PCMTD1: variants seen among roughly 807,000 people sequenced by gnomAD.
PCMTD1 encodes the protein protein-L-isoaspartate (D-aspartate) O-methyltransferase domain containing 1.
In PCMTD1, 12 loss-of-function variants were observed where a neutral mutation model predicts 37.6. The observed-to-expected ratio is 0.32, with a 90% CI of 0.20 to 0.52. The LOEUF is 0.52. PCMTD1 is among the 20% of genes least tolerant of loss of function. PCMTD1 has a pLI of 0.97. For synonymous variants in PCMTD1, 117 were observed against 135.8 expected (o/e 0.86, Z 0.96); for missense variants, 235 against 421.3 (o/e 0.56, Z 3.87).
At chr8:51,883,644 A>C (rs2038823806) in intron 1 of PCMTD1, among the ~76,000 whole-genome samples, 1 of 152,234 alleles carries the variant, frequency 6.6e-6, no homozygotes, top group African/African-American at 2.4e-5. Flanking sequence ...AACTGAAAAC[A>C]ACCAAGGTAT....
intron 1 of PCMTD1, among the ~76,000 whole-genome samples, chr8:51,891,221 C>A (rs922306807): frequency 6.6e-6 from 1 of 152,004 alleles, no homozygotes; most frequent in African/African-American, 2.4e-5. Flanking sequence ...AAATCTAAAC[C>A]ATATGAACCT....
At chr8:51,833,778 G>A (rs1001482512) in intron 3 of PCMTD1, 89 bp from the exon 4 acceptor site, 47 of 909,428 alleles carry the variant, frequency 5.2e-5, no homozygotes, top group Non-Finnish European at 6.5e-5. Context: ...AAATAATGAC[G>A]TTACCCAAAT....
chr8:51,880,944 T>C (rs1200075972), intron 1 of PCMTD1, among the ~76,000 whole-genome samples: 2 of 152,212 alleles, frequency 1.3e-5, no homozygotes, highest in Non-Finnish European at 2.9e-5. Flanking sequence ...TTTCATGTCA[T>C]AAAATAGTCT....
intron 5 of PCMTD1, among the ~76,000 whole-genome samples, chr8:51,822,677 C>G (rs1229061539): frequency 2.0e-5 from 3 of 152,092 alleles, no homozygotes; most frequent in African/African-American, 7.2e-5. Flanking sequence ...CCACCATAAG[C>G]CACCATAAGA....
intron 5 of PCMTD1, chr8:51,826,798 C>G (rs1006347796): frequency 1.8e-6 from 1 of 549,200 alleles, no homozygotes; most frequent in African/African-American, 2.0e-5. Flanking sequence ...CTCTTATGCC[C>G]CTGAACTTTA....
At chr8:51,895,948 T>C (rs1247468215) in intron 1 of PCMTD1, 3 of 145,248 alleles carry the variant, frequency 2.1e-5, no homozygotes, top group East Asian at 2.0e-4. Flanking sequence ...CTTTTTTTTT[T>C]TTTTTTTTTT....
chr8:51,839,520 A>G, intron 3 of PCMTD1: 1 of 985,450 alleles, frequency 1.0e-6, no homozygotes, highest in Non-Finnish European at 1.2e-6. Flanking sequence ...TTTCGTTCAC[A>G]GCAGGGACCT....
rs1220492332 is a variant in PCMTD1 at position 51,820,045 on chromosome 8, C to A, written c.*306G>T. The A allele has an allele frequency of 5.3e-6, 1 of 187,578 alleles. No individual in the cohort carries two copies. The highest frequency in any genetic ancestry group is 1.1e-5 in the Non-Finnish European group (1 of 92,204). The allele number at this position is 187,578 out of a possible 1,614,324, so 11.6% of individuals were successfully genotyped here. On this transcript the variant is annotated 3_prime_UTR_variant, in exon 6 of 6. Coordinates refer to ENST00000522514, the MANE Select transcript of PCMTD1 (RefSeq NM_052937.4). ...ATAAAATTAAATCTAAACCTCATCA[C>A]TACAAATCTGTAAGGAATCAGAAAA...
chr8:51,885,423 TCCTG>T (rs2129293544), intron 1 of PCMTD1, among the ~76,000 whole-genome samples: 1 of 152,318 alleles, frequency 6.6e-6, no homozygotes, highest in South Asian at 2.1e-4. Flanking sequence ...ATCTTCAAGT[TCCTG>T]CCTAGGACAA....
chr8:51,866,356 C>T (rs1327480554), intron 1 of PCMTD1, among the ~76,000 whole-genome samples: 1 of 151,870 alleles, frequency 6.6e-6, no homozygotes, highest in African/African-American at 2.4e-5. Context: ...CTAGAGGCCT[C>T]ACATTATCTG....
Position 51,818,018 on chromosome 8 carries a change from T to C in PCMTD1, c.*2333A>G. 1 of 446,650 alleles carries C rather than the reference T, an allele frequency of 2.2e-6. No individual in the cohort carries two copies. Among genetic ancestry groups the C allele is most frequent in the Non-Finnish European group, 4.5e-6 (1 of 221,542 alleles). The allele number at this position is 446,650 out of a possible 1,614,324, so 27.7% of individuals were successfully genotyped here. A position where few individuals can be genotyped will look rare whatever the true frequency, so the allele number is the denominator to read the frequency against. ...TATTCCCCATCATTTTCACTTACTT[T>C]TACTTAATCTTTATTTGCTACTTTT... On this transcript the variant is annotated 3_prime_UTR_variant, in exon 6 of 6. Transcript: ENST00000522514.
intron 2 of PCMTD1, among the ~76,000 whole-genome samples, chr8:51,851,770 C>T (rs904243901): frequency 1.3e-5 from 2 of 151,982 alleles, no homozygotes; most frequent in Non-Finnish European, 2.9e-5. Flanking sequence ...ATTCTCCTGC[C>T]TCAGCCTCCC....
chr8:51,890,491 C>A (rs1448816167), intron 1 of PCMTD1, among the ~76,000 whole-genome samples: 1 of 152,136 alleles, frequency 6.6e-6, no homozygotes, highest in Non-Finnish European at 1.5e-5. Flanking sequence ...ACAGGAGTAA[C>A]AGGGATAAAC....
chr8:51,887,856 C>T (rs1053961660), intron 1 of PCMTD1, among the ~76,000 whole-genome samples: 2 of 151,762 alleles, frequency 1.3e-5, no homozygotes, highest in African/African-American at 4.8e-5. Flanking sequence ...ATTCTCCTGC[C>T]TCAGCCTCTC....
intron 1 of PCMTD1, among the ~76,000 whole-genome samples, chr8:51,886,232 CT>C (rs566300400): frequency 1.8e-4 from 28 of 152,294 alleles, no homozygotes; most frequent in African/African-American, 6.7e-4. Flanking sequence ...AATCATCATC[CT>C]CTTTAGCTGA....
chr8:51,846,513 C>A (rs62506098), intron 2 of PCMTD1, among the ~76,000 whole-genome samples: 2,941 of 152,292 alleles, frequency 0.019, 32 homozygotes, highest in Non-Finnish European at 0.028. Context: ...CCATGACCCA[C>A]ATGAGAATAT....
intron 1 of PCMTD1, among the ~76,000 whole-genome samples, chr8:51,863,607 C>G (rs886739073): frequency 2.0e-5 from 3 of 152,076 alleles, no homozygotes; most frequent in Non-Finnish European, 4.4e-5. Flanking sequence ...GCCAGCATGG[C>G]GAAATCCTGT....
chr8:51,819,132 T>C lies in PCMTD1; in HGVS notation c.*1219A>G, dbSNP rs901359500. On this transcript the variant is annotated 3_prime_UTR_variant, in exon 6 of 6. Transcript: ENST00000522514. Reference sequence around the variant, plus strand: ...AAAGCTCAAATATGGACAGTTTAACTGTGTGATATTAAGTAAAAAATGAAA... The same window carrying C: ...AAAGCTCAAATATGGACAGTTTAACCGTGTGATATTAAGTAAAAAATGAAA... 2.6e-5 allele frequency: 4 copies of C among 152,134 alleles called. No individual in the cohort carries two copies. Among genetic ancestry groups the C allele is most frequent in the Admixed American group, 1.3e-4 (2 of 15,270 alleles). 9.4% of individuals were successfully genotyped at this position (152,134 alleles called of 1,614,324 possible). A position where few individuals can be genotyped will look rare whatever the true frequency, so the allele number is the denominator to read the frequency against.
chr8:51,896,245 C>T (rs938986171), intron 1 of PCMTD1: 2 of 152,038 alleles, frequency 1.3e-5, no homozygotes, highest in Non-Finnish European at 2.9e-5. Context: ...TGCCCCCGGC[C>T]GCCACATTTC....
Sources: allele counts gnomAD v4.1 joint callset (sites outside exome capture counted in the v4.1 genomes callset), GRCh38; gene constraint gnomAD v4.1.1; transcripts MANE v1.5; gene names NCBI Gene and HGNC (gene_info 2026-07-23, HGNC 2026-07-21).